Variants in VWA8 observed in about 807,000 individuals in gnomAD.
VWA8 encodes the protein von Willebrand factor A domain-containing protein 8.
Under a neutral mutation model 241.5 loss-of-function variants are expected in VWA8, and 221 were observed. The ratio of observed to expected loss-of-function variants is 0.91; its 90% CI spans 0.82 to 1.02. VWA8 has a LOEUF of 1.02. VWA8 is among the 50% of genes least tolerant of loss of function. The probability of loss-of-function intolerance (pLI) is 0.00; values close to 1 mark genes in which losing one functional copy is unlikely to be tolerated. For synonymous variants in VWA8, 852 were observed against 827.1 expected, an observed-to-expected ratio of 1.03 and a Z score of -0.52; for missense variants, 2,322 against 2,328.7, an observed-to-expected ratio of 1.00 and a Z score of 0.06.
At chr13:41,913,888 C>A (rs918781708) in intron 2 of VWA8, among the ~76,000 whole-genome samples, 2 of 152,106 alleles carry the variant, frequency 1.3e-5, no homozygotes, top group Non-Finnish European at 2.9e-5. Context: ...GCATCCCTAG[C>A]GGGATAAAAG....
chr13:41,912,636 C>G (rs1876066474), intron 2 of VWA8, among the ~76,000 whole-genome samples: 1 of 152,066 alleles, frequency 6.6e-6, no homozygotes, highest in African/African-American at 2.4e-5. Flanking sequence ...TTATCATAGT[C>G]TTAAAAAATC....
Position 41,732,088 on chromosome 13 carries a change from A to T in VWA8, c.2494T>A (p.Ser832Thr). 1 of 1,612,858 alleles carries T rather than the reference A, an allele frequency of 6.2e-7. No individual in the cohort carries two copies. Among genetic ancestry groups the T allele is most frequent in the Non-Finnish European group, 8.5e-7 (1 of 1,179,198 alleles). ...VKDGLIVYED[S>T]PLVKAVKLGH... Reference sequence around the variant, plus strand: ...ATGATTAGGTTACTAACCAAAGGTGAGTCTTCATATACAATAAGTCCGTCT... The same window carrying T: ...ATGATTAGGTTACTAACCAAAGGTGTGTCTTCATATACAATAAGTCCGTCT... The change falls in exon 22 of 45, where the codon TCA becomes ACA. Residue 832 changes from serine (S) to threonine (T), a missense_variant. Ser to Thr is a moderately conservative substitution (Grantham distance 58, BLOSUM62 1). Coordinates refer to ENST00000379310, the MANE Select transcript of VWA8 (RefSeq NM_015058.2).
chr13:41,628,286 C>A (rs1366600590), intron 37 of VWA8, among the ~76,000 whole-genome samples: 1 of 152,108 alleles, frequency 6.6e-6, no homozygotes, highest in African/African-American at 2.4e-5. Flanking sequence ...GTTCAGCCAC[C>A]ATGGAAAGCA....
chr13:41,597,806 G>C (rs953943750), intron 40 of VWA8, among the ~76,000 whole-genome samples: 4 of 150,648 alleles, frequency 2.7e-5, no homozygotes, highest in African/African-American at 9.7e-5. Flanking sequence ...CTCAGTGAAG[G>C]GCAAGAGGCA....
At chr13:41,688,572 C>T (rs973114404) in intron 34 of VWA8, among the ~76,000 whole-genome samples, 1 of 152,018 alleles carries the variant, frequency 6.6e-6, no homozygotes, top group African/African-American at 2.4e-5. Context: ...AGAGGAAAAT[C>T]AATTGAGACA....
intron 40 of VWA8, among the ~76,000 whole-genome samples, chr13:41,591,780 C>G (rs545136214): frequency 4.8e-4 from 71 of 148,006 alleles, no homozygotes; most frequent in African/African-American, 1.7e-3. Flanking sequence ...CATCTCACAC[C>G]AGTTAGAATG....
At chr13:41,911,162 C>T (rs924636834) in intron 3 of VWA8, among the ~76,000 whole-genome samples, 17 of 150,172 alleles carry the variant, frequency 1.1e-4, no homozygotes, top group Non-Finnish European at 1.8e-4. Context: ...CTCCCAACTT[C>T]AAGCAATTCT....
At chr13:41,598,681 T>C (rs962130403) in intron 40 of VWA8, among the ~76,000 whole-genome samples, 1 of 152,098 alleles carries the variant, frequency 6.6e-6, no homozygotes, top group Non-Finnish European at 1.5e-5. Context: ...CACAGAATTC[T>C]TGGGTCACAA....
intron 21 of VWA8, among the ~76,000 whole-genome samples, chr13:41,739,523 T>C (rs1162221728): frequency 6.6e-6 from 1 of 152,222 alleles, no homozygotes; most frequent in East Asian, 1.9e-4. Flanking sequence ...TATTCTCATT[T>C]TGGTTGTTCA....
intron 42 of VWA8, among the ~76,000 whole-genome samples, chr13:41,580,104 C>T (rs2044373217): frequency 6.6e-6 from 1 of 152,034 alleles, no homozygotes; most frequent in East Asian, 1.9e-4. Context: ...ATAAACCCGC[C>T]CTGGCCTCCC....
chr13:41,937,539 C>A (rs1300219821), intron 2 of VWA8, among the ~76,000 whole-genome samples: 2 of 152,162 alleles, frequency 1.3e-5, no homozygotes, highest in Non-Finnish European at 2.9e-5. Flanking sequence ...GTAATGCCAG[C>A]AAGGTGGGGC....
intron 38 of VWA8, among the ~76,000 whole-genome samples, chr13:41,612,724 G>C (rs1244292070): frequency 6.6e-6 from 1 of 152,132 alleles, no homozygotes; most frequent in East Asian, 1.9e-4. Context: ...TGAGAACTTA[G>C]AAGGGAATCC....
chr13:41,880,256 G>GTT (rs1159339226), intron 9 of VWA8, among the ~76,000 whole-genome samples: 1 of 152,006 alleles, frequency 6.6e-6, no homozygotes, highest in Admixed American at 6.6e-5. Context: ...TTCCTCAATG[G>GTT]TTAACATTTT....
intron 2 of VWA8, among the ~76,000 whole-genome samples, chr13:41,940,018 A>G (rs1260486570): frequency 1.3e-5 from 2 of 152,212 alleles, no homozygotes; most frequent in Admixed American, 1.3e-4. Context: ...TTCTCATTCC[A>G]GGACTTATTC....
intron 12 of VWA8, 102 bp downstream of exon 12, chr13:41,865,634 A>G (rs1873253397): frequency 2.3e-6 from 3 of 1,299,200 alleles, no homozygotes; most frequent in African/African-American, 1.5e-5. Context: ...CTTTACCTAT[A>G]TAAAAAAACA....
chr13:41,750,031 A>T (rs554480040), intron 21 of VWA8, among the ~76,000 whole-genome samples: 100 of 152,284 alleles, frequency 6.6e-4, no homozygotes, highest in South Asian at 1.5e-3. Flanking sequence ...ATTAAAAAAA[A>T]AGAAATATAT....
chr13:41,907,833 T>A, intron 3 of VWA8, 137 bp from the exon 4 acceptor site: 1 of 669,490 alleles, frequency 1.5e-6, no homozygotes, highest in Non-Finnish European at 2.6e-6. Context: ...ACTTGTTGAA[T>A]CTAAGTTTGA....
At chr13:41,584,995 T>C (rs2044407293) in intron 42 of VWA8, among the ~76,000 whole-genome samples, 1 of 152,060 alleles carries the variant, frequency 6.6e-6, no homozygotes, top group African/African-American at 2.4e-5. Context: ...TCTTAGGAAG[T>C]GCTCAGGTAA....
chr13:41,775,416 A>G (rs960691848), intron 20 of VWA8, among the ~76,000 whole-genome samples: 1 of 152,222 alleles, frequency 6.6e-6, no homozygotes, highest in African/African-American at 2.4e-5. Flanking sequence ...AGAGTACAAG[A>G]TGGCAAGACA....
Sources: allele counts gnomAD v4.1 joint callset (sites outside exome capture counted in the v4.1 genomes callset), GRCh38; gene constraint gnomAD v4.1.1; transcripts MANE v1.5; gene names NCBI Gene and HGNC (gene_info 2026-07-23, HGNC 2026-07-21).